Variants in TCF12 observed in about 807,000 individuals in gnomAD.
TCF12 encodes DNA-binding protein HTF4.
Under a neutral mutation model 86.0 loss-of-function variants are expected in TCF12, and 45 were observed. That is an observed-to-expected ratio of 0.52 (90% confidence interval 0.41 to 0.67). The LOEUF (loss-of-function observed/expected upper bound fraction) is 0.67. Among genes scored for constraint, TCF12 ranks in the 30% least tolerant of loss-of-function variants. The pLI, the probability that TCF12 is intolerant of heterozygous loss-of-function variation, is 0.00. For synonymous variants in TCF12, 330 were observed against 299.6 expected (o/e 1.10, Z -1.05); for missense variants, 881 against 859.9 (o/e 1.02, Z -0.31).
chr15:56,987,270 C>G (rs926721950), intron 3 of TCF12, among the ~76,000 whole-genome samples: 1 of 152,000 alleles, frequency 6.6e-6, no homozygotes, highest in Admixed American at 6.6e-5. Context: ...CCCGCCACCA[C>G]GCCCGGCTAA....
At chr15:57,235,346 T>C (rs530661455) in intron 12 of TCF12, among the ~76,000 whole-genome samples, 1 of 152,180 alleles carries the variant, frequency 6.6e-6, no homozygotes, top group Non-Finnish European at 1.5e-5. Context: ...GGAACTAAGG[T>C]TTAAAAGGTG....
intron 6 of TCF12, among the ~76,000 whole-genome samples, chr15:57,187,265 T>A (rs1474982914): frequency 1.3e-5 from 2 of 151,886 alleles, no homozygotes; most frequent in Non-Finnish European, 2.9e-5. Context: ...GGAACTTAAC[T>A]CCATTTGGTA....
chr15:57,251,302 A>G (rs1454244254), intron 13 of TCF12, 48 bp from the exon 14 acceptor site: 2 of 1,480,296 alleles, frequency 1.4e-6, no homozygotes, highest in South Asian at 1.1e-5. Context: ...AACATTATCA[A>G]GATCACTGAG....
At chr15:57,270,370 G>A (rs1318247245) in intron 18 of TCF12, among the ~76,000 whole-genome samples, 3 of 152,098 alleles carry the variant, frequency 2.0e-5, no homozygotes, top group Non-Finnish European at 2.9e-5. Context: ...GCTTGTGTAT[G>A]CTTCACGAAG....
chr15:57,131,853 A>C (rs1387255952), intron 5 of TCF12, among the ~76,000 whole-genome samples: 1 of 152,246 alleles, frequency 6.6e-6, no homozygotes, highest in Non-Finnish European at 1.5e-5. Flanking sequence ...CCTGAAGTAG[A>C]ATCTGAGTCT....
At chr15:57,002,052 C>A (rs1447440738) in intron 3 of TCF12, among the ~76,000 whole-genome samples, 2 of 152,158 alleles carry the variant, frequency 1.3e-5, no homozygotes, top group Non-Finnish European at 2.9e-5. Context: ...GTATCTATGT[C>A]CCTAGTTTTT....
intron 5 of TCF12, among the ~76,000 whole-genome samples, chr15:57,104,009 A>AAAAC (rs1288264946): frequency 6.6e-6 from 1 of 152,186 alleles, no homozygotes; most frequent in Non-Finnish European, 1.5e-5. Context: ...CTCTGTCTCA[A>AAAAC]AAACAAACAA....
At chr15:57,166,576 T>C in intron 6 of TCF12, 110 bp downstream of exon 6, 1 of 977,688 alleles carries the variant, frequency 1.0e-6, no homozygotes, top group South Asian at 2.0e-5. Flanking sequence ...ACTGTTTGTT[T>C]AATTTGTAAC....
At chr15:57,030,240 TAATC>T (rs1273777817) in intron 3 of TCF12, among the ~76,000 whole-genome samples, 1 of 152,022 alleles carries the variant, frequency 6.6e-6, no homozygotes, top group Non-Finnish European at 1.5e-5. Context: ...ATTAATTGAT[TAATC>T]AATTGATTAA....
At chr15:57,187,078 G>T (rs1304215048) in intron 6 of TCF12, among the ~76,000 whole-genome samples, 1 of 151,976 alleles carries the variant, frequency 6.6e-6, no homozygotes, top group Non-Finnish European at 1.5e-5. Context: ...TCCTTAGGAG[G>T]CCAAGGCACA....
intron 3 of TCF12, among the ~76,000 whole-genome samples, chr15:56,936,207 G>C (rs1198623552): frequency 1.3e-5 from 2 of 151,902 alleles, no homozygotes; most frequent in Admixed American, 6.6e-5. Context: ...ATTGTGGTTT[G>C]GATTTGCATT....
intron 5 of TCF12, among the ~76,000 whole-genome samples, chr15:57,100,343 CTG>C (rs2049641044): frequency 1.3e-5 from 2 of 151,958 alleles, no homozygotes; most frequent in South Asian, 4.1e-4. Flanking sequence ...ATTTGGGACA[CTG>C]TTTTGATTTA....
intron 6 of TCF12, among the ~76,000 whole-genome samples, chr15:57,170,672 TATAATATA>T (rs2055293351): frequency 5.8e-4 from 5 of 8,568 alleles, no homozygotes; most frequent in Admixed American, 1.5e-3. Flanking sequence ...TATATATATA[TATAATATA>T]TTATATATAA....
intron 13 of TCF12, among the ~76,000 whole-genome samples, chr15:57,244,063 G>C (rs2059746970): frequency 6.6e-6 from 1 of 151,984 alleles, no homozygotes; most frequent in South Asian, 2.1e-4. Flanking sequence ...ACTTTTTGTA[G>C]AGACTGGGTC....
intron 5 of TCF12, among the ~76,000 whole-genome samples, chr15:57,100,333 A>G (rs1211377921): frequency 6.6e-6 from 1 of 152,114 alleles, no homozygotes; most frequent in East Asian, 1.9e-4. Flanking sequence ...GCAGTTGAGA[A>G]TTTGGGACAC....
At chr15:56,999,724 A>G (rs1319752257) in intron 3 of TCF12, among the ~76,000 whole-genome samples, 1 of 151,884 alleles carries the variant, frequency 6.6e-6, no homozygotes, top group African/African-American at 2.4e-5. Flanking sequence ...AAATACAAAA[A>G]TTAGCTGGGC....
intron 8 of TCF12, among the ~76,000 whole-genome samples, chr15:57,217,029 G>C (rs980582184): frequency 2.6e-5 from 4 of 151,976 alleles, no homozygotes; most frequent in African/African-American, 7.2e-5. Context: ...TTATATCTAT[G>C]CTCAATTTAG....
At chr15:57,126,389 T>G (rs1224951449) in intron 5 of TCF12, among the ~76,000 whole-genome samples, 1 of 152,228 alleles carries the variant, frequency 6.6e-6, no homozygotes, top group Non-Finnish European at 1.5e-5. Flanking sequence ...GCCTTCTACT[T>G]GCATTATAAA....
chr15:57,219,454 G>A (rs945989674), intron 8 of TCF12: 3 of 1,558,936 alleles, frequency 1.9e-6, no homozygotes, highest in Non-Finnish European at 1.8e-6. Flanking sequence ...CCCTTTGCCT[G>A]TGTGGATATA....
Sources: allele counts gnomAD v4.1 joint callset (sites outside exome capture counted in the v4.1 genomes callset), GRCh38; gene constraint gnomAD v4.1.1; transcripts MANE v1.5; gene names NCBI Gene and HGNC (gene_info 2026-07-23, HGNC 2026-07-21).